The following DNAL1 variants were observed in gnomAD, a reference collection of about 807,000 sequenced individuals.
The protein encoded by DNAL1 is chromosome 14 open reading frame 168.
A neutral mutation model predicts 29.4 loss-of-function variants in DNAL1; 17 were observed. The observed-to-expected ratio is 0.58, with a 90% CI of 0.40 to 0.87. DNAL1 has a LOEUF of 0.87. Ranked by LOEUF, DNAL1 falls within the 40% of genes least tolerant of loss-of-function variation. The probability of loss-of-function intolerance (pLI) is 0.00; values close to 1 mark genes in which losing one functional copy is unlikely to be tolerated. For synonymous variants in DNAL1, 78 were observed against 76.3 expected (o/e 1.02, Z -0.12); for missense variants, 188 against 214.1 (o/e 0.88, Z 0.76).
intron 3 of DNAL1, among the ~76,000 whole-genome samples, chr14:73,660,977 C>T (rs908306641): frequency 3.9e-5 from 6 of 152,100 alleles, no homozygotes; most frequent in African/African-American, 7.2e-5. Flanking sequence ...TGGGAGTTCT[C>T]AGGAGTGGGG....
intron 3 of DNAL1, among the ~76,000 whole-genome samples, chr14:73,661,674 G>A (rs147564438): frequency 0.035 from 5,320 of 152,140 alleles, 339 homozygotes; most frequent in African/African-American, 0.12. Context: ...GAACCGGGGA[G>A]GTGGAAGTTG....
In DNAL1 at chr14:73,696,696, TG is replaced by T. The variant is rs1892309548; in HGVS notation, c.*756del. 1.3e-5 allele frequency: 2 copies of T among 152,222 alleles called. No individual in the cohort carries two copies. Among genetic ancestry groups the T allele is most frequent in the Admixed American group, 1.3e-4 (2 of 15,276 alleles). The allele number at this position is 152,222 out of a possible 1,614,324, so 9.4% of individuals were successfully genotyped here. ...TGATAATGTGGCAATGTTACTCATG[TG>T]GACCTCGCCTTAAGCACACATTTTG... is the stretch of plus-strand genomic sequence containing the variant. On this transcript the variant is annotated 3_prime_UTR_variant, in exon 8 of 8. Transcript: ENST00000553645.
chr14:73,661,657 A>C (rs1216237984), intron 3 of DNAL1, among the ~76,000 whole-genome samples: 1 of 152,102 alleles, frequency 6.6e-6, no homozygotes, highest in Non-Finnish European at 1.5e-5. Context: ...AGGCAGGAGA[A>C]TTGCTTGAAC....
rs1892438706 is a variant in DNAL1 at position 73,701,653 on chromosome 14, A to G, written c.*5711A>G. 6.6e-6 allele frequency: 1 copy of G among 152,214 alleles called. No individual in the cohort carries two copies. Among genetic ancestry groups the G allele is most frequent in the Non-Finnish European group, 1.5e-5 (1 of 68,036 alleles). The allele number at this position is 152,214 out of a possible 1,614,324, so 9.4% of individuals were successfully genotyped here. On this transcript the variant is annotated 3_prime_UTR_variant, in exon 8 of 8. Transcript: ENST00000553645. ...ACTGCCTGGAGGGATCACTCCCATC[A>G]AAAGACTGGTGAGTTGGAAGCTAAG...
At chr14:73,666,727 A>T (rs1891490634) in intron 4 of DNAL1, among the ~76,000 whole-genome samples, 1 of 152,136 alleles carries the variant, frequency 6.6e-6, no homozygotes, top group Admixed American at 6.6e-5. Context: ...AGTTGCATAT[A>T]TTTGTTATCT....
At chr14:73,692,526 G>T (rs1284689323) in intron 7 of DNAL1, among the ~76,000 whole-genome samples, 1 of 151,698 alleles carries the variant, frequency 6.6e-6, no homozygotes. Context: ...AGGCATGGTG[G>T]CACATGCCTG....
intron 6 of DNAL1, among the ~76,000 whole-genome samples, chr14:73,688,803 AATCTC>A (rs1892085363): frequency 6.6e-6 from 1 of 152,062 alleles, no homozygotes. Flanking sequence ...TTTGACTTTG[AATCTC>A]ATCTCGTCTT....
intron 7 of DNAL1, among the ~76,000 whole-genome samples, chr14:73,692,913 T>A (rs1892209244): frequency 6.6e-6 from 1 of 151,788 alleles, no homozygotes; most frequent in African/African-American, 2.4e-5. Flanking sequence ...CTCAGCTCGC[T>A]GCAGCCTCCA....
At chr14:73,653,930 G>T (rs114569746) in intron 1 of DNAL1, among the ~76,000 whole-genome samples, 80 of 152,218 alleles carry the variant, frequency 5.3e-4, no homozygotes, top group African/African-American at 1.9e-3. Flanking sequence ...AAAATGGTTT[G>T]AATTGAACTA....
chr14:73,658,215 A>T (rs1487115612), intron 2 of DNAL1, among the ~76,000 whole-genome samples: 1 of 152,186 alleles, frequency 6.6e-6, no homozygotes, highest in Non-Finnish European at 1.5e-5. Flanking sequence ...TTGGCTGTAA[A>T]TACATGGACT....
chr14:73,697,380 A>G lies in DNAL1; in HGVS notation c.*1438A>G, dbSNP rs993725129. On this transcript the variant is annotated 3_prime_UTR_variant, in exon 8 of 8. Transcript: ENST00000553645. Reference sequence around the variant, plus strand: ...TCAGAAGATTTCAGCTATCATTTACATAGGAATTACTTGATTTTTCTAAGT... The same window carrying G: ...TCAGAAGATTTCAGCTATCATTTACGTAGGAATTACTTGATTTTTCTAAGT... 3.9e-5 allele frequency: 6 copies of G among 152,220 alleles called. No individual in the cohort carries two copies. The highest frequency in any genetic ancestry group is 1.4e-4 in the African/African-American group (6 of 41,460). 9.4% of individuals were successfully genotyped at this position (152,220 alleles called of 1,614,324 possible). A position where few individuals can be genotyped will look rare whatever the true frequency, so the allele number is the denominator to read the frequency against.
intron 1 of DNAL1, among the ~76,000 whole-genome samples, chr14:73,652,110 C>A (rs1891125422): frequency 6.6e-6 from 1 of 152,028 alleles, no homozygotes; most frequent in African/African-American, 2.4e-5. Context: ...CATTTAGGCT[C>A]ATGCAGCCCT....
rs561257445 is a variant in DNAL1 at position 73,659,252 on chromosome 14, C to T, written c.152+296C>T. 4.0e-5 allele frequency among the ~76,000 whole-genome samples: 6 copies of T among 151,566 alleles called. No individual in the cohort carries two copies. In the East Asian group the frequency reaches 9.7e-4, roughly 25 times the overall value. Reference sequence around the variant, plus strand: ...TCTCGGCTCACTGCAACCTACGCCTCCCGGGTTCGAGCAGTTCTCCTGCCT... The same window carrying T: ...TCTCGGCTCACTGCAACCTACGCCTTCCGGGTTCGAGCAGTTCTCCTGCCT... On this transcript the variant is annotated intron_variant, in intron 3 of 7. Transcript: ENST00000553645.
At chr14:73,672,607 C>CAAA (rs35746041) in intron 5 of DNAL1, among the ~76,000 whole-genome samples, 3 of 75,258 alleles carry the variant, frequency 4.0e-5, no homozygotes, top group South Asian at 4.9e-4. Context: ...GACTCTGTCT[C>CAAA]AAAAAAAAAA....
intron 5 of DNAL1, among the ~76,000 whole-genome samples, chr14:73,678,878 T>C (rs1228284568): frequency 6.6e-6 from 1 of 152,250 alleles, no homozygotes; most frequent in Non-Finnish European, 1.5e-5. Flanking sequence ...ATATGAAGTG[T>C]AGAAAAAGCA....
At chr14:73,689,713 G>C (rs1030909129) in intron 7 of DNAL1, among the ~76,000 whole-genome samples, 198 bp downstream of exon 7, 3 of 152,144 alleles carry the variant, frequency 2.0e-5, no homozygotes, top group African/African-American at 7.2e-5. Flanking sequence ...ACTGGTACAA[G>C]ATTCTCCCTA....
intron 5 of DNAL1, among the ~76,000 whole-genome samples, chr14:73,677,926 T>C (rs1219693079): frequency 7.6e-6 from 1 of 131,866 alleles, no homozygotes; most frequent in African/African-American, 2.9e-5. Context: ...GATGGTGGTC[T>C]GACTTTGTCA....
chr14:73,645,394 G>C lies in DNAL1; in HGVS notation c.3+352G>C, dbSNP rs560534973. On this transcript the variant is annotated intron_variant, in intron 1 of 7. Coordinates refer to ENST00000553645, the MANE Select transcript of DNAL1 (RefSeq NM_031427.4). ...ATCTCTTTACATAGAAGTAATTTTA[G>C]TGACCCCCCCGTCGAGATGCAGGGA... Among the ~76,000 whole-genome samples, 9 of 152,232 alleles carry C rather than the reference G, an allele frequency of 5.9e-5. No individual in the cohort carries two copies. In the East Asian group the frequency reaches 1.7e-3, roughly 29 times the overall value.
chr14:73,675,640 A>G (rs1028203756), intron 5 of DNAL1, among the ~76,000 whole-genome samples: 8 of 152,084 alleles, frequency 5.3e-5, no homozygotes, highest in East Asian at 1.9e-4. Flanking sequence ...AGCATCTACA[A>G]TAGTGCTTGA....
Sources: gnomAD v4.1 joint callset for allele counts (sites outside exome capture counted in the v4.1 genomes callset) on GRCh38, gnomAD v4.1.1 for gene constraint, MANE v1.5 for transcripts, NCBI Gene and HGNC (gene_info 2026-07-23, HGNC 2026-07-21) for gene names.